The following GPR158 variants were observed in gnomAD, a reference collection of about 807,000 sequenced individuals.
GPR158 encodes the protein G protein-coupled receptor 158, also known as metabotropic glycine receptor.
A neutral mutation model predicts 78.2 loss-of-function variants in GPR158; 30 were observed. The observed-to-expected ratio is 0.38, with a 90% CI of 0.29 to 0.52. The LOEUF (loss-of-function observed/expected upper bound fraction) is 0.52. Ranked by LOEUF, GPR158 falls within the 20% of genes least tolerant of loss-of-function variation. GPR158 has a pLI of 0.83. For synonymous variants in GPR158, 581 were observed against 591.1 expected (o/e 0.98, Z 0.25); for missense variants, 1,463 against 1,523.5 (o/e 0.96, Z 0.66).
intron 5 of GPR158, among the ~76,000 whole-genome samples, chr10:25,536,308 C>T (rs1836500455): frequency 6.6e-6 from 1 of 152,044 alleles, no homozygotes; most frequent in African/African-American, 2.4e-5. Flanking sequence ...TATTAAATCT[C>T]CAGCCTCCTT....
At chr10:25,224,541 C>T (rs1707053547) in intron 2 of GPR158, among the ~76,000 whole-genome samples, 1 of 151,526 alleles carries the variant, frequency 6.6e-6, no homozygotes, top group Non-Finnish European at 1.5e-5. Context: ...ATAATTGATT[C>T]ATAATTCTAT....
chr10:25,384,671 A>C (rs943949468), intron 2 of GPR158, among the ~76,000 whole-genome samples: 2 of 146,838 alleles, frequency 1.4e-5, no homozygotes, highest in Non-Finnish European at 3.0e-5. Flanking sequence ...TTATTTATAA[A>C]TGTGGTTTTT....
chr10:25,394,329 T>C (rs1410935), intron 2 of GPR158, among the ~76,000 whole-genome samples: 115,475 of 152,160 alleles, frequency 0.76, 44,663 homozygotes, highest in Non-Finnish European at 0.81. Context: ...TGGGAAGTGA[T>C]GAAGTCAGAT....
At position 25,597,895 on chromosome 10, in the gene GPR158, C is replaced by A. The variant is rs761475071; in HGVS notation, c.2269C>A (p.Arg757Ser). ...KKGLGRSIMR[R>S]ITEIPETVSR... Reference sequence around the variant, plus strand: ...GGGCCTAGGTCGTTCCATCATGAGACGCATTACGGAGATCCCAGAGACAGT... The same window carrying A: ...GGGCCTAGGTCGTTCCATCATGAGAAGCATTACGGAGATCCCAGAGACAGT... Residue 757 changes from arginine (R) to serine (S), a missense_variant, in exon 11 of 11, where the codon CGC (arginine) becomes AGC (serine). By Grantham distance (110) the Arg-to-Ser change is moderately radical (BLOSUM62 -1). Transcript: ENST00000376351. The A allele has an allele frequency of 6.2e-7, 1 of 1,606,044 alleles. No individual in the cohort carries two copies. The highest frequency in any genetic ancestry group is 8.5e-7 in the Non-Finnish European group (1 of 1,176,712).
At chr10:25,237,640 G>A (rs1564398404) in intron 2 of GPR158, among the ~76,000 whole-genome samples, 2 of 152,122 alleles carry the variant, frequency 1.3e-5, no homozygotes, top group Non-Finnish European at 2.9e-5. Flanking sequence ...CCATTGTCAT[G>A]TATTTTTGTC....
chr10:25,210,698 C>T (rs995460259), intron 1 of GPR158, among the ~76,000 whole-genome samples: 1 of 152,104 alleles, frequency 6.6e-6, no homozygotes, highest in African/African-American at 2.4e-5. Flanking sequence ...TTGCCCACTT[C>T]CTATTATAAT....
chr10:25,473,660 A>G (rs1028201040), intron 5 of GPR158, among the ~76,000 whole-genome samples: 8 of 152,068 alleles, frequency 5.3e-5, no homozygotes, highest in African/African-American at 1.9e-4. Context: ...CTGGGATTCA[A>G]CTTCTTTCTG....
chr10:25,291,643 A>G (rs1001463288), intron 2 of GPR158, among the ~76,000 whole-genome samples: 4 of 152,112 alleles, frequency 2.6e-5, no homozygotes, highest in African/African-American at 9.6e-5. Context: ...CAACTTCTGT[A>G]TAACCAAAAA....
chr10:25,375,078 C>T (rs1203334008), intron 2 of GPR158, among the ~76,000 whole-genome samples: 3 of 151,492 alleles, frequency 2.0e-5, no homozygotes, highest in African/African-American at 7.3e-5. Flanking sequence ...TATTTTAGCC[C>T]TTTTCATAAA....
chr10:25,543,012 T>TATTGAA (rs1836608511), intron 5 of GPR158, among the ~76,000 whole-genome samples: 1 of 152,184 alleles, frequency 6.6e-6, no homozygotes, highest in Non-Finnish European at 1.5e-5. Context: ...ACTTCTTTGT[T>TATTGAA]ATTGAAATTG....
intron 6 of GPR158, among the ~76,000 whole-genome samples, chr10:25,560,358 C>T (rs1200460697): frequency 2.0e-5 from 3 of 152,260 alleles, no homozygotes; most frequent in East Asian, 1.9e-4. Flanking sequence ...CTCCGCCTCC[C>T]GGGTTCACAC....
At chr10:25,198,645 GA>G (rs1852875627) in intron 1 of GPR158, among the ~76,000 whole-genome samples, 1 of 152,146 alleles carries the variant, frequency 6.6e-6, no homozygotes, top group Non-Finnish European at 1.5e-5. Flanking sequence ...AAAGCTATTT[GA>G]TAATAGTATT....
intron 6 of GPR158, among the ~76,000 whole-genome samples, chr10:25,553,656 A>G (rs1333000220): frequency 6.6e-6 from 1 of 152,098 alleles, no homozygotes; most frequent in African/African-American, 2.4e-5. Context: ...GAATGAACGA[A>G]TGGGTGGACG....
At chr10:25,568,620 A>C (rs1836964016) in intron 6 of GPR158, among the ~76,000 whole-genome samples, 1 of 152,194 alleles carries the variant, frequency 6.6e-6, no homozygotes, top group Non-Finnish European at 1.5e-5. Flanking sequence ...ATGGTGAGCT[A>C]TATAGCTTGA....
chr10:25,568,318 C>T (rs928854717), intron 6 of GPR158, among the ~76,000 whole-genome samples: 1 of 152,084 alleles, frequency 6.6e-6, no homozygotes, highest in Non-Finnish European at 1.5e-5. Flanking sequence ...TATAACATGG[C>T]CACATTTAGG....
intron 2 of GPR158, among the ~76,000 whole-genome samples, chr10:25,358,328 T>G (rs1855581519): frequency 6.6e-6 from 1 of 152,072 alleles, no homozygotes; most frequent in Admixed American, 6.6e-5. Context: ...TGATTGGTTT[T>G]GAAATGTGAA....
intron 7 of GPR158, among the ~76,000 whole-genome samples, chr10:25,583,023 G>C (rs1403287011): frequency 1.3e-5 from 2 of 152,186 alleles, no homozygotes; most frequent in Non-Finnish European, 2.9e-5. Context: ...GGGAGCACTG[G>C]TCAGGAACTA....
chr10:25,265,140 A>G (rs919244127), intron 2 of GPR158, among the ~76,000 whole-genome samples: 1 of 152,112 alleles, frequency 6.6e-6, no homozygotes, highest in Non-Finnish European at 1.5e-5. Flanking sequence ...GTTTCCCAAT[A>G]TTTAGTACTC....
chr10:25,579,939 T>G (rs979141450), intron 7 of GPR158, among the ~76,000 whole-genome samples: 2 of 152,186 alleles, frequency 1.3e-5, no homozygotes, highest in African/African-American at 4.8e-5. Flanking sequence ...TTAACAGCAT[T>G]TATATGATCT....
Sources: allele counts gnomAD v4.1 joint callset (sites outside exome capture counted in the v4.1 genomes callset), GRCh38; gene constraint gnomAD v4.1.1; transcripts MANE v1.5; gene names NCBI Gene and HGNC (gene_info 2026-07-23, HGNC 2026-07-21).